ADAMTS6: variants seen among roughly 807,000 people sequenced by gnomAD.
The protein encoded by ADAMTS6 is A disintegrin and metalloproteinase with thrombospondin motifs 6.
Under a neutral mutation model 144.3 loss-of-function variants are expected in ADAMTS6, and 23 were observed. The observed-to-expected ratio is 0.16, with a 90% CI of 0.11 to 0.23. The LOEUF (loss-of-function observed/expected upper bound fraction) is 0.23. ADAMTS6 is among the 10% of genes least tolerant of loss of function. The pLI is 1.00. For synonymous variants in ADAMTS6, 444 were observed against 457.5 expected, an observed-to-expected ratio of 0.97 and a Z score of 0.38; for missense variants, 999 against 1,379.6, an observed-to-expected ratio of 0.72 and a Z score of 4.37.
intron 15 of ADAMTS6, among the ~76,000 whole-genome samples, chr5:65,234,559 A>T (rs1758525505): frequency 1.3e-5 from 2 of 152,154 alleles, no homozygotes; most frequent in Non-Finnish European, 2.9e-5. Context: ...ATGAGATATT[A>T]CCTCACACAT....
chr5:65,233,047 C>A (rs1758384472), intron 15 of ADAMTS6, among the ~76,000 whole-genome samples: 1 of 152,026 alleles, frequency 6.6e-6, no homozygotes, highest in East Asian at 1.9e-4. Context: ...GTTCAACATA[C>A]ACAAATCAGG....
chr5:65,325,246 C>T (rs540787515), intron 9 of ADAMTS6, among the ~76,000 whole-genome samples: 28 of 152,186 alleles, frequency 1.8e-4, no homozygotes, highest in South Asian at 2.1e-4. Context: ...CCTTTGCCAA[C>T]GCTCACTGAA....
At chr5:65,423,747 T>C (rs1352530803) in intron 7 of ADAMTS6, among the ~76,000 whole-genome samples, 1 of 152,160 alleles carries the variant, frequency 6.6e-6, no homozygotes, top group Non-Finnish European at 1.5e-5. Context: ...TCTTTTTGGA[T>C]TGCTGTCTAA....
intron 7 of ADAMTS6, among the ~76,000 whole-genome samples, chr5:65,413,848 A>G (rs900327074): frequency 1.3e-5 from 2 of 152,086 alleles, no homozygotes; most frequent in African/African-American, 2.4e-5. Context: ...TTTTGCCCCC[A>G]CTACACCAGA....
intron 7 of ADAMTS6, among the ~76,000 whole-genome samples, chr5:65,363,807 A>G (rs968941059): frequency 9.9e-5 from 15 of 152,238 alleles, no homozygotes; most frequent in African/African-American, 3.6e-4. Context: ...CGGTAAGAAA[A>G]TTATCTTTGG....
intron 9 of ADAMTS6, among the ~76,000 whole-genome samples, chr5:65,302,615 GAAGGTGAAGTTTCAAGTGTGTC>G (rs1743551723): frequency 6.6e-6 from 1 of 151,974 alleles, no homozygotes; most frequent in South Asian, 2.1e-4. Flanking sequence ...CAAGGAATGT[GAAGGTGAAGTTTCAAGTGTGTC>G]AAATCAAACA....
chr5:65,262,860 C>G lies in ADAMTS6; in HGVS notation c.1723G>C (p.Gly575Arg), dbSNP rs770501691. 3 of 1,584,806 alleles carry G rather than the reference C, an allele frequency of 1.9e-6. No individual in the cohort carries two copies. The highest frequency in any genetic ancestry group is 1.8e-5 in the Admixed American group (1 of 54,560). Residue 575 changes from glycine to arginine, a missense_variant, in exon 13 of 25, where the codon GGG becomes CGG. By Grantham distance (125) the Gly-to-Arg change is moderately radical. Transcript: ENST00000381055. ...SLWGECSRTC[G>R]GGVSSSLRHC... ...CTTAGGGATGAGGAGACGCCTCCCC[C>G]GCAGGTCCTGCTGCACTCTCCCCAT... is the stretch of plus-strand genomic sequence containing the variant.
intron 14 of ADAMTS6, among the ~76,000 whole-genome samples, chr5:65,252,344 G>T (rs2367494): frequency 1 from 150,920 of 151,192 alleles, 75,331 homozygotes; most frequent in Middle Eastern, 1. Context: ...AGATGGAGTC[G>T]CGCTCTGTTG....
intron 24 of ADAMTS6, among the ~76,000 whole-genome samples, chr5:65,170,138 T>C (rs2112067438): frequency 1.3e-5 from 2 of 152,348 alleles, no homozygotes; most frequent in South Asian, 4.1e-4. Context: ...TTTTTCTACT[T>C]TTCTACGATA....
rs370859984 is a variant in ADAMTS6 at position 65,315,171 on chromosome 5, G to A, written c.1223+14207C>T. The stretch of plus-strand genomic sequence containing the variant: ...AAGGACAGCAATGTCATAAGGAACA[G>A]GAATGAAGAACTGGACATACATTCT... On this transcript the variant is annotated intron_variant, in intron 9 of 24. Coordinates refer to ENST00000381055, the MANE Select transcript of ADAMTS6 (RefSeq NM_197941.4). Among the ~76,000 whole-genome samples the A allele has an allele frequency of 4.6e-5, 7 of 152,134 alleles. No homozygotes were observed. In the East Asian group the frequency reaches 7.7e-4, roughly 17 times the overall value.
intron 11 of ADAMTS6, among the ~76,000 whole-genome samples, chr5:65,284,499 T>C (rs1017246255): frequency 1.3e-5 from 2 of 152,140 alleles, no homozygotes; most frequent in Non-Finnish European, 2.9e-5. Context: ...TGGAATTGAA[T>C]GAATATAAAC....
At chr5:65,462,342 A>G (rs1316245062) in intron 3 of ADAMTS6, among the ~76,000 whole-genome samples, 4 of 152,202 alleles carry the variant, frequency 2.6e-5, no homozygotes, top group Non-Finnish European at 5.9e-5. Flanking sequence ...ATTGAAAGTT[A>G]CCAGACAAGA....
intron 9 of ADAMTS6, among the ~76,000 whole-genome samples, chr5:65,318,660 T>C (rs1027339092): frequency 3.9e-5 from 6 of 152,090 alleles, no homozygotes; most frequent in African/African-American, 1.2e-4. Flanking sequence ...TTTCACTTAT[T>C]TGTGGGAGCT....
chr5:65,296,295 A>G (rs1282365907), intron 10 of ADAMTS6, among the ~76,000 whole-genome samples: 1 of 152,176 alleles, frequency 6.6e-6, no homozygotes, highest in Admixed American at 6.5e-5. Context: ...TACGTACTAT[A>G]GTCTCATAAA....
At chr5:65,282,033 C>A (rs376989457) in intron 11 of ADAMTS6, among the ~76,000 whole-genome samples, 13 of 152,166 alleles carry the variant, frequency 8.5e-5, no homozygotes, top group East Asian at 7.7e-4. Flanking sequence ...AGAATAAAAT[C>A]ATTTTACAAT....
chr5:65,397,287 T>C (rs571889900), intron 7 of ADAMTS6, among the ~76,000 whole-genome samples: 53 of 152,254 alleles, frequency 3.5e-4, no homozygotes, highest in Non-Finnish European at 4.7e-4. Flanking sequence ...TGATTTTCTT[T>C]ATTGACTTCC....
intron 7 of ADAMTS6, among the ~76,000 whole-genome samples, chr5:65,356,505 T>G (rs1047414828): frequency 6.6e-6 from 1 of 152,048 alleles, no homozygotes; most frequent in Non-Finnish European, 1.5e-5. Flanking sequence ...GCATGCAATA[T>G]AACAGGAACA....
At chr5:65,370,957 T>TCCCTGAC (rs1430331442) in intron 7 of ADAMTS6, among the ~76,000 whole-genome samples, 1 of 152,146 alleles carries the variant, frequency 6.6e-6, no homozygotes, top group South Asian at 2.1e-4. Context: ...CTCAAGTTGG[T>TCCCTGAC]CCCTGACCCC....
At chr5:65,211,506 G>A (rs934569146) in intron 20 of ADAMTS6, among the ~76,000 whole-genome samples, 6 of 152,022 alleles carry the variant, frequency 3.9e-5, no homozygotes, top group African/African-American at 1.5e-4. Flanking sequence ...GGAGGCTGAG[G>A]TGGAATAGTC....
Sources: allele counts gnomAD v4.1 joint callset (sites outside exome capture counted in the v4.1 genomes callset), GRCh38; gene constraint gnomAD v4.1.1; transcripts MANE v1.5; gene names NCBI Gene and HGNC (gene_info 2026-07-23, HGNC 2026-07-21).